The following EFCAB7 variants were observed in gnomAD, a reference collection of about 807,000 sequenced individuals.
EFCAB7 encodes EF-hand calcium-binding domain-containing protein 7.
In EFCAB7, 66 loss-of-function variants were observed where a neutral mutation model predicts 77.1. The ratio of observed to expected loss-of-function variants is 0.86; its 90% CI spans 0.70 to 1.05. The LOEUF is 1.05. Among genes scored for constraint, EFCAB7 ranks in the 50% least tolerant of loss-of-function variants. The pLI is 0.00. For synonymous variants in EFCAB7, 225 were observed against 243.3 expected (o/e 0.92, Z 0.70); for missense variants, 638 against 730.5 (o/e 0.87, Z 1.46).
chr1:63,548,715 A>G (rs1646928801), intron 7 of EFCAB7: 1 of 152,134 alleles, frequency 6.6e-6, no homozygotes, highest in African/African-American at 2.4e-5. Flanking sequence ...TTAAGCTTAT[A>G]GTTGTCCTGT....
downstream of EFCAB7, among the ~76,000 whole-genome samples, chr1:63,576,485 A>C (rs1647419388): frequency 6.6e-6 from 1 of 150,774 alleles, no homozygotes; most frequent in African/African-American, 2.5e-5. Flanking sequence ...TCTCAAAAAC[A>C]ACAACAACAA....
intron 11 of EFCAB7, among the ~76,000 whole-genome samples, chr1:63,562,452 TATA>T: frequency 1.1e-4 from 1 of 8,916 alleles, no homozygotes; most frequent in Non-Finnish European, 2.0e-4. Flanking sequence ...AATTTATTTA[TATA>T]TATATATATA....
chr1:63,526,769 A>AT (rs952440207), intron 2 of EFCAB7, among the ~76,000 whole-genome samples: 135 of 147,534 alleles, frequency 9.2e-4, no homozygotes, highest in South Asian at 4.9e-3. Context: ...CATCCAATAA[A>AT]TTTTTTTTTT....
At chr1:63,551,665 G>T in intron 7 of EFCAB7, 60 bp from the exon 8 acceptor site, 4 of 703,218 alleles carry the variant, frequency 5.7e-6, no homozygotes, top group South Asian at 3.5e-5. Context: ...TTTTTATATA[G>T]GAAAGAATAG....
At chr1:63,551,702 T>A (rs1646966679) in intron 7 of EFCAB7, 23 bp from the exon 8 acceptor site, 1 of 1,343,764 alleles carries the variant, frequency 7.4e-7, no homozygotes, top group Admixed American at 2.3e-5. Context: ...TTAAGGTGTT[T>A]GGGCTTTTTT....
chr1:63,564,841 A>C (rs12097939), intron 11 of EFCAB7, among the ~76,000 whole-genome samples: 2,974 of 152,302 alleles, frequency 0.02, 93 homozygotes, highest in African/African-American at 0.068. Context: ...CCAAAACAGC[A>C]TGGTACTGGT....
chr1:63,539,965 G>A (rs994895186), intron 6 of EFCAB7, among the ~76,000 whole-genome samples: 2 of 152,066 alleles, frequency 1.3e-5, no homozygotes, highest in Non-Finnish European at 2.9e-5. Context: ...AGGGCAATTG[G>A]GTCTGAGGTA....
intron 6 of EFCAB7, among the ~76,000 whole-genome samples, chr1:63,540,363 C>CAAAA (rs758025864): frequency 2.3e-5 from 1 of 44,354 alleles, no homozygotes; most frequent in East Asian, 7.6e-4. Context: ...GACTCCATCT[C>CAAAA]AAAAAAAAAA....
chr1:63,535,037 A>T (rs78999514), intron 6 of EFCAB7, among the ~76,000 whole-genome samples: 1,574 of 152,234 alleles, frequency 0.01, 26 homozygotes, highest in African/African-American at 0.035. Flanking sequence ...TTAGTGTTCC[A>T]ACAATATTAC....
At chr1:63,533,805 T>C (rs1317203076) in intron 5 of EFCAB7, among the ~76,000 whole-genome samples, 156 bp downstream of exon 5, 1 of 152,166 alleles carries the variant, frequency 6.6e-6, no homozygotes, top group Non-Finnish European at 1.5e-5. Context: ...TAAAAATCTA[T>C]TGAAGTAAAA....
chr1:63,576,465 AG>A (rs1647418439), downstream of EFCAB7, among the ~76,000 whole-genome samples: 1 of 151,408 alleles, frequency 6.6e-6, no homozygotes, highest in African/African-American at 2.4e-5. Flanking sequence ...GGGCGACATG[AG>A]TGAGACTGTC....
chr1:63,550,782 A>G (rs572343646), intron 7 of EFCAB7: 1 of 152,170 alleles, frequency 6.6e-6, no homozygotes, highest in Non-Finnish European at 1.5e-5. Context: ...GATTCTGGGT[A>G]TATTTTGAAG....
At chr1:63,573,651 G>A (rs217465), downstream of EFCAB7, among the ~76,000 whole-genome samples, 52,994 of 151,970 alleles carry the variant, frequency 0.35, 9,399 homozygotes, top group East Asian at 0.48. Context: ...AGTATGACTA[G>A]ACAGAAGACA....
Position 63,525,577 on chromosome 1 carries a change from C to G in EFCAB7, c.5C>G (p.Ala2Gly), listed in dbSNP as rs767896192. M[A>G]ISPRSDATFS... Reference sequence around the variant, plus strand: ...TTTAAATTATTTTCCAATAGAATGGCGATCAGTCCACGAAGCGATGCAACT... The same window carrying G: ...TTTAAATTATTTTCCAATAGAATGGGGATCAGTCCACGAAGCGATGCAACT... The change falls in exon 2 of 14, where the codon GCG (alanine) becomes GGG (glycine). Residue 2 changes from alanine to glycine, a missense_variant. By Grantham distance (60) the Ala-to-Gly change is moderately conservative. Transcript: ENST00000371088. 2 of 1,491,654 alleles carry G rather than the reference C, an allele frequency of 1.3e-6. No homozygotes were observed. Among genetic ancestry groups the G allele is most frequent in the Admixed American group, 2.7e-5 (1 of 37,664 alleles). 92.4% of individuals were successfully genotyped at this position (1,491,654 alleles called of 1,614,324 possible).
Position 63,526,476 on chromosome 1 carries a change from A to T in EFCAB7, c.187+717A>T, listed in dbSNP as rs1394096266. Among the ~76,000 whole-genome samples, 4 of 152,168 alleles carry T rather than the reference A, an allele frequency of 2.6e-5. No individual in the cohort carries two copies. In the East Asian group the frequency reaches 7.7e-4, roughly 29 times the overall value. On this transcript the variant is annotated intron_variant, in intron 2 of 13. Transcript: ENST00000371088. ...CCAATTTTATAATGAATTTTCTTAA[A>T]CCAAAACCCTGACATATTTGTGCAG...
In EFCAB7 at chr1:63,570,918, C is replaced by CT. The variant is rs1432817467; in HGVS notation, c.1708-102dup. 3 of 694,100 alleles carry CT rather than the reference C, an allele frequency of 4.3e-6. No individual in the cohort carries two copies. In the East Asian group the frequency reaches 9.0e-5, roughly 21 times the overall value. The allele number at this position is 694,100 out of a possible 1,614,324, so 43.0% of individuals were successfully genotyped here. A position where few individuals can be genotyped will look rare whatever the true frequency, so the allele number is the denominator to read the frequency against. On this transcript the variant is annotated intron_variant, in intron 12 of 13. Coordinates refer to ENST00000371088, the MANE Select transcript of EFCAB7 (RefSeq NM_032437.4). The stretch of plus-strand genomic sequence containing the variant: ...CCAATTTGTATGAATTTGTAGTGCA[C>CT]TATATGATGTTAAAACAGAATTTCA...
At position 63,555,435 on chromosome 1, in the gene EFCAB7, A is replaced by C; in HGVS notation, c.1134A>C (p.Lys378Asn). ...CCACAACTGGCTGTAGGCTGAGGAA[A>C]AAAATAAAACCAGTAACAGATGAAG... Reference protein sequence around the residue: ...IPSTTGCRLRKKIKPVTDEAQ... With the variant: ...IPSTTGCRLRNKIKPVTDEAQ... Residue 378 changes from lysine (K) to asparagine (N), a missense_variant, in exon 9 of 14, where the codon AAA becomes AAC. Coordinates refer to ENST00000371088, the MANE Select transcript of EFCAB7 (RefSeq NM_032437.4). The C allele has an allele frequency of 6.2e-7, 1 of 1,614,066 alleles. No homozygotes were observed. The highest frequency in any genetic ancestry group is 8.5e-7 in the Non-Finnish European group (1 of 1,179,976).
At position 63,524,958 on chromosome 1, in the gene EFCAB7, T is replaced by C. The variant is rs1224054219; in HGVS notation, c.-1-614T>C. 2.6e-5 allele frequency among the ~76,000 whole-genome samples: 4 copies of C among 152,182 alleles called. No homozygotes were observed. In the East Asian group the frequency reaches 7.7e-4, roughly 29 times the overall value. ...TATGATAATGCTATAAATAAGACTT[T>C]TAAAATATAGCTATTTGAAATGTGG... On this transcript the variant is annotated intron_variant, in intron 1 of 13. Transcript: ENST00000371088.
chr1:63,576,694 G>T (rs192506295), downstream of EFCAB7, among the ~76,000 whole-genome samples: 220 of 151,350 alleles, frequency 1.5e-3, no homozygotes, highest in Middle Eastern at 3.4e-3. Flanking sequence ...TTAGCTGGGC[G>T]TGGTGGCGGG....
Sources: allele counts gnomAD v4.1 joint callset (sites outside exome capture counted in the v4.1 genomes callset), GRCh38; gene constraint gnomAD v4.1.1; transcripts MANE v1.5; gene names NCBI Gene and HGNC (gene_info 2026-07-23, HGNC 2026-07-21).